The following TMEM276 variants were observed in gnomAD, a reference collection of about 807,000 sequenced individuals.
TMEM276 encodes the protein transmembrane protein 276.
the TMEM276 span, chr8:144,464,815 T>G: frequency 6.2e-7 from 1 of 1,612,710 alleles, no homozygotes; most frequent in Non-Finnish European, 8.5e-7. Context: ...TCACCTCGGC[T>G]GTGCTCACGG....
chr8:144,464,599 G>A, the TMEM276 span: 1 of 1,607,980 alleles, frequency 6.2e-7, no homozygotes, highest in Non-Finnish European at 8.5e-7. Context: ...GCCAGCAGCA[G>A]CCCCTCGACT....
chr8:144,466,683 C>T, the TMEM276 span: 3 of 1,278,390 alleles, frequency 2.3e-6, no homozygotes, highest in South Asian at 1.5e-5. Flanking sequence ...CCCCAATCCT[C>T]CGGCCCGGTT....
chr8:144,465,207 C>A, the TMEM276 span: 7 of 1,260,334 alleles, frequency 5.6e-6, no homozygotes, highest in South Asian at 7.8e-5. Flanking sequence ...GGAGTGCGGG[C>A]CTGGGGAAGA....
the TMEM276 span, chr8:144,465,251 G>A: frequency 5.5e-5 from 62 of 1,129,778 alleles, no homozygotes; most frequent in African/African-American, 1.8e-4. Flanking sequence ...CCACGCGGCG[G>A]CCTCGGCCTG....
At chr8:144,463,962 G>C in the TMEM276 span, 2 of 1,495,646 alleles carry the variant, frequency 1.3e-6, no homozygotes, top group Non-Finnish European at 1.8e-6. Context: ...GTCCCCACAC[G>C]TGGCCAAAGG....
the TMEM276 span, chr8:144,466,473 G>A: frequency 3.0e-6 from 4 of 1,345,448 alleles, no homozygotes; most frequent in Middle Eastern, 2.0e-4. Flanking sequence ...TCTTCCGCAG[G>A]GATGGTGGCG....
the TMEM276 span, chr8:144,465,024 C>T: frequency 6.5e-7 from 1 of 1,536,564 alleles, no homozygotes. Flanking sequence ...GCCCAGGTTC[C>T]AGGTCCCCAT....
At chr8:144,464,881 G>A in the TMEM276 span, 1 of 1,612,288 alleles carries the variant, frequency 6.2e-7, no homozygotes, top group African/African-American at 1.3e-5. Flanking sequence ...TGCTCCACTC[G>A]GCCCCCGGCT....
chr8:144,464,629 G>A, the TMEM276 span: 1 of 1,593,750 alleles, frequency 6.3e-7, no homozygotes, highest in Non-Finnish European at 8.5e-7. Context: ...ACACAGGGAA[G>A]GGAGAACACG....
the TMEM276 span, chr8:144,466,495 G>A: frequency 7.6e-7 from 1 of 1,313,332 alleles, no homozygotes; most frequent in Non-Finnish European, 9.8e-7. Flanking sequence ...CGCGGCGGCC[G>A]CGGAGCCCGG....
the TMEM276 span, chr8:144,464,292 A>G: frequency 5.4e-5 from 87 of 1,611,914 alleles, no homozygotes; most frequent in African/African-American, 3.6e-4. Flanking sequence ...CCCACATCCC[A>G]TAAGTGTTGG....
At chr8:144,466,596 CGGGCACG>C in the TMEM276 span, 57 of 895,428 alleles carry the variant, frequency 6.4e-5, no homozygotes, top group African/African-American at 9.1e-4. Context: ...GGGGCGGGGG[CGGGCACG>C]GGGCGCGGGG....
At chr8:144,464,284 C>CA in the TMEM276 span, 1 of 1,613,292 alleles carries the variant, frequency 6.2e-7, no homozygotes, top group Non-Finnish European at 8.5e-7. Flanking sequence ...CGCCCCCCCC[C>CA]ACATCCCATA....
the TMEM276 span, chr8:144,465,224 G>C: frequency 2.1e-5 from 25 of 1,194,458 alleles, no homozygotes; most frequent in African/African-American, 3.3e-4. Context: ...AAGAGAGAGC[G>C]GCGAGGCGCT....
chr8:144,464,894 G>T, the TMEM276 span: 1 of 1,611,942 alleles, frequency 6.2e-7, no homozygotes, highest in Non-Finnish European at 8.5e-7. Flanking sequence ...CCCCGGCTTG[G>T]GGGCCATGGC....
At chr8:144,464,004 A>G in the TMEM276 span, 72 of 1,520,426 alleles carry the variant, frequency 4.7e-5, no homozygotes, top group Non-Finnish European at 6.2e-5. Flanking sequence ...TGACCAGTCA[A>G]TGTGCAGCAA....
chr8:144,464,247 G>T, the TMEM276 span: 2 of 1,612,948 alleles, frequency 1.2e-6, no homozygotes, highest in Non-Finnish European at 1.7e-6. Context: ...CCTCCAGCCG[G>T]CTCAGGAGGC....
the TMEM276 span, chr8:144,466,832 C>G: frequency 1.3e-6 from 2 of 1,537,184 alleles, no homozygotes; most frequent in Non-Finnish European, 1.7e-6. Flanking sequence ...GCTGACCGGC[C>G]TGGCCGGTAG....
chr8:144,466,505 G>C, the TMEM276 span: 1 of 1,301,680 alleles, frequency 7.7e-7, no homozygotes, highest in Non-Finnish European at 9.8e-7. Flanking sequence ...GCGGAGCCCG[G>C]GGACCCCGCC....
Sources: gnomAD v4.1 joint callset for allele counts on GRCh38, gnomAD v4.1.1 for gene constraint, MANE v1.5 for transcripts, NCBI Gene and HGNC (gene_info 2026-07-23, HGNC 2026-07-21) for gene names.